NDST1: variants seen among roughly 807,000 people sequenced by gnomAD.
The protein encoded by NDST1 is N-deacetylase and N-sulfotransferase 1.
A neutral mutation model predicts 92.8 loss-of-function variants in NDST1; 35 were observed. The ratio of observed to expected loss-of-function variants is 0.38; its 90% confidence interval spans 0.29 to 0.50. The LOEUF is 0.50. Among genes scored for constraint, NDST1 ranks in the 20% least tolerant of loss-of-function variants. The probability of loss-of-function intolerance (pLI) is 0.94; values close to 1 mark genes in which losing one functional copy is unlikely to be tolerated. For missense variants in NDST1, 822 were observed against 1,182.7 expected, an observed-to-expected ratio of 0.69 and a Z score of 4.47; for synonymous variants, 493 against 500.3, an observed-to-expected ratio of 0.99 and a Z score of 0.19.
rs936213486 is a variant in NDST1, at chr5:150,554,588, G to A, written c.*1256G>A. ...GCTACCCCAGGTGAACAGAGGTGGT[G>A]AGATGCGCAGGGAAGACCAGCTCTC... is the stretch of plus-strand genomic sequence containing the variant. On this transcript the variant is annotated 3_prime_UTR_variant, in exon 15 of 15. Transcript: ENST00000261797. The A allele has an allele frequency of 6.6e-6, 1 of 152,582 alleles. No individual in the cohort carries two copies. Among genetic ancestry groups the A allele is most frequent in the African/African-American group, 2.4e-5 (1 of 41,428 alleles). The allele number at this position is 152,582 out of a possible 1,614,324, so 9.5% of individuals were successfully genotyped here.
chr5:150,550,119 T>C (rs2151304393), intron 13 of NDST1, among the ~76,000 whole-genome samples: 1 of 151,948 alleles, frequency 6.6e-6, no homozygotes, highest in Non-Finnish European at 1.5e-5. Context: ...TTTTTTTTTT[T>C]TTAGACAGGG....
At chr5:150,528,517 G>A (rs1754573166) in intron 3 of NDST1, among the ~76,000 whole-genome samples, 1 of 152,214 alleles carries the variant, frequency 6.6e-6, no homozygotes, top group Admixed American at 6.5e-5. Context: ...TTGGCCAGGT[G>A]TGGTGGCTCA....
In NDST1 at chr5:150,521,740, C is replaced by T. The variant is rs139997125; in HGVS notation, c.486C>T (p.Tyr162=). The change falls in exon 2 of 15, where the codon TAC becomes TAT. Residue 162 remains tyrosine, a synonymous_variant. Transcript: ENST00000261797. The surrounding 1 kb of genome is among the most constrained non-coding windows in gnomAD (Gnocchi z 5.9). ...RELLDKYCVA[Y]GVGIIGFFKA... is the part of the protein sequence containing the mutation. The stretch of plus-strand genomic sequence containing the variant: ...TGCTGGACAAGTACTGTGTGGCCTA[C>T]GGCGTGGGCATCATTGGCTTCTTCA... 8.5e-5 allele frequency: 137 copies of T among 1,613,888 alleles called. No individual in the cohort carries two copies. The highest frequency in any genetic ancestry group is 1.4e-4 in the South Asian group (13 of 91,080).
chr5:150,509,694 A>G (rs1753630416), intron 1 of NDST1, among the ~76,000 whole-genome samples: 1 of 152,124 alleles, frequency 6.6e-6, no homozygotes, highest in Non-Finnish European at 1.5e-5. Context: ...TATTGTTAGT[A>G]GAGATGGGGT....
At chr5:150,540,902 C>T (rs557260146) in intron 8 of NDST1, among the ~76,000 whole-genome samples, 1 of 152,228 alleles carries the variant, frequency 6.6e-6, no homozygotes, top group Non-Finnish European at 1.5e-5. Context: ...TAGATAATCT[C>T]TTGTATCTCT....
chr5:150,500,226 G>A (rs1031041668), intron 1 of NDST1, among the ~76,000 whole-genome samples: 2 of 152,254 alleles, frequency 1.3e-5, no homozygotes, highest in African/African-American at 2.4e-5. Context: ...GCCCCCACCC[G>A]CTGCCTCCTG....
At chr5:150,527,747 C>T in intron 2 of NDST1, 57 bp from the exon 3 acceptor site, 1 of 1,606,000 alleles carries the variant, frequency 6.2e-7, no homozygotes, top group Non-Finnish European at 8.5e-7. Flanking sequence ...AGACTGTGTC[C>T]TTTGGGGTTC....
chr5:150,542,353 G>T (rs1010892345), intron 9 of NDST1, among the ~76,000 whole-genome samples: 5 of 152,358 alleles, frequency 3.3e-5, no homozygotes, highest in African/African-American at 1.2e-4. Flanking sequence ...GCATGAGTGA[G>T]CAGAGGGTAT....
chr5:150,543,588 CATGTCAGGTAGGTA>C (rs1244833536), intron 10 of NDST1, among the ~76,000 whole-genome samples: 1 of 152,200 alleles, frequency 6.6e-6, no homozygotes, highest in Non-Finnish European at 1.5e-5. Context: ...AAAAATGTTT[CATGTCAGGTAGGTA>C]ATGTGCTGAG....
intron 2 of NDST1, among the ~76,000 whole-genome samples, chr5:150,523,542 T>TA (rs1238386113): frequency 1.3e-5 from 2 of 152,028 alleles, no homozygotes; most frequent in African/African-American, 4.8e-5. Context: ...CTCTGATGAG[T>TA]ATAGGTCTGG....
chr5:150,502,236 C>T (rs1431125108), intron 1 of NDST1, among the ~76,000 whole-genome samples: 2 of 151,828 alleles, frequency 1.3e-5, no homozygotes, highest in Non-Finnish European at 2.9e-5. Flanking sequence ...AGTCTTGCCA[C>T]GAGAGAGGTT....
At chr5:150,546,598 GA>G (rs1181421784) in intron 11 of NDST1, among the ~76,000 whole-genome samples, 1 of 152,254 alleles carries the variant, frequency 6.6e-6, no homozygotes. Flanking sequence ...GGTTGCCAGA[GA>G]AGTGTCCCCT....
chr5:150,548,563 G>C (rs1755590193), intron 12 of NDST1, among the ~76,000 whole-genome samples, 175 bp downstream of exon 12: 1 of 151,992 alleles, frequency 6.6e-6, no homozygotes, highest in Non-Finnish European at 1.5e-5. Context: ...TTGAGACAGG[G>C]TCTCACTCTG....
intron 6 of NDST1, 91 bp downstream of exon 6, chr5:150,535,976 T>G: frequency 1.3e-5 from 19 of 1,443,968 alleles, no homozygotes; most frequent in Non-Finnish European, 1.7e-5. Flanking sequence ...AGCACGGCTC[T>G]GGTTTGCTGG....
chr5:150,517,221 G>A (rs1754015118), intron 1 of NDST1, among the ~76,000 whole-genome samples: 1 of 151,772 alleles, frequency 6.6e-6, no homozygotes, highest in Non-Finnish European at 1.5e-5. Flanking sequence ...GCACAATTAT[G>A]GCCACTGTAG....
At chr5:150,505,324 C>T (rs1179097078), upstream of NDST1, among the ~76,000 whole-genome samples, 1 of 152,168 alleles carries the variant, frequency 6.6e-6, no homozygotes. Context: ...GTGGGAGGTG[C>T]AAAGAGCTGA....
chr5:150,551,603 C>A, intron 13 of NDST1, 150 bp from the exon 14 acceptor site: 2 of 988,772 alleles, frequency 2.0e-6, no homozygotes, highest in Non-Finnish European at 3.0e-6. Context: ...TTTGATCCCA[C>A]AGATGGCACA....
chr5:150,551,871 A>C lies in NDST1; in HGVS notation c.2529+16A>C. The stretch of plus-strand genomic sequence containing the variant: ...GGACTTGGATGTAAGTGGTGGACAC[A>C]CTACCTGTAGCACCTGCATAAGGGT... On this transcript the variant is annotated intron_variant, in intron 14 of 14. Coordinates refer to ENST00000261797, the MANE Select transcript of NDST1 (RefSeq NM_001543.5). 1 of 1,611,964 alleles carries C rather than the reference A, an allele frequency of 6.2e-7. No individual in the cohort carries two copies.
At chr5:150,549,064 T>TGGCAC (rs1428546317) in intron 12 of NDST1, among the ~76,000 whole-genome samples, 4 of 152,192 alleles carry the variant, frequency 2.6e-5, no homozygotes, top group African/African-American at 7.2e-5. Flanking sequence ...CAGGCTGGAG[T>TGGCAC]GCAGTGGCAC....
Sources: gnomAD v4.1 joint callset for allele counts (sites outside exome capture counted in the v4.1 genomes callset) on GRCh38, gnomAD v4.1.1 for gene constraint, Gnocchi (gnomAD v3.1) non-coding constraint, MANE v1.5 for transcripts, NCBI Gene and HGNC (gene_info 2026-07-23, HGNC 2026-07-21) for gene names.